Variants in VCL observed in about 807,000 individuals in gnomAD.
The protein encoded by VCL is epididymis luminal protein 114.
In VCL, 47 loss-of-function variants were observed where a neutral mutation model predicts 125.7. That is an observed-to-expected ratio of 0.37 (90% CI 0.30 to 0.48). The LOEUF is 0.48. Ranked by LOEUF, VCL falls within the 20% of genes least tolerant of loss-of-function variation. The pLI is 0.99. For synonymous variants in VCL, 458 were observed against 514.6 expected, an observed-to-expected ratio of 0.89 and a Z score of 1.49; for missense variants, 1,069 against 1,455.5, an observed-to-expected ratio of 0.73 and a Z score of 4.32.
chr10:74,116,683 T>C lies in VCL; in HGVS notation c.3259-1340T>C, dbSNP rs533688755. On this transcript the variant is annotated intron_variant, in intron 21 of 21. Transcript: ENST00000211998. Reference sequence around the variant, plus strand: ...CCTAGTTAACAAGAGTGAAACTCCGTCTCAAAAAAAAAAAATAATAATAAA... The same window carrying C: ...CCTAGTTAACAAGAGTGAAACTCCGCCTCAAAAAAAAAAAATAATAATAAA... 2.0e-3 allele frequency among the ~76,000 whole-genome samples: 206 copies of C among 101,378 alleles called. 2 individuals carry two copies. Among genetic ancestry groups the C allele is most frequent in the African/African-American group, 6.6e-3 (203 of 30,688 alleles). 66.5% of individuals were successfully genotyped at this position (101,378 alleles called of 152,430 possible).
intron 12 of VCL, 104 bp downstream of exon 12, chr10:74,095,959 A>G (rs1839962149): frequency 1.4e-6 from 2 of 1,380,002 alleles, no homozygotes; most frequent in Admixed American, 4.1e-5. Flanking sequence ...TCTGGGGTCT[A>G]GGGAAAATGA....
intron 1 of VCL, among the ~76,000 whole-genome samples, chr10:74,041,705 A>G (rs1457669044): frequency 1.3e-5 from 2 of 151,716 alleles, no homozygotes; most frequent in African/African-American, 2.4e-5. Context: ...CAGCCTGGCC[A>G]ACATGGTGAA....
intron 3 of VCL, 25 bp from the exon 4 acceptor site, chr10:74,070,950 T>G: frequency 6.2e-7 from 1 of 1,613,644 alleles, no homozygotes. Flanking sequence ...CCCATGTGAT[T>G]GAATACTCTG....
chr10:74,048,464 CAAA>C (rs369346650), intron 2 of VCL, among the ~76,000 whole-genome samples: 12 of 119,182 alleles, frequency 1.0e-4, no homozygotes, highest in Admixed American at 1.7e-4. Context: ...AACTCTGTCT[CAAA>C]AAAAAAAAAA....
Position 74,109,130 on chromosome 10 carries a change from G to C in VCL, c.2719G>C (p.Asp907His). The C allele has an allele frequency of 6.2e-7, 1 of 1,614,122 alleles. No homozygotes were observed. Among genetic ancestry groups the C allele is most frequent in the South Asian group, 1.1e-5 (1 of 91,076 alleles). ...GATGATGGCTGCCAGACAGCTCCAT[G>C]ATGAAGCTCGCAAATGGTCCAGCAA... is the stretch of plus-strand genomic sequence containing the variant. The part of the protein sequence containing the change: ...PMMMAARQLH[D>H]EARKWSSKPG... Residue 907 changes from aspartate to histidine, a missense_variant, in exon 18 of 22, where the codon GAT becomes CAT. Coordinates refer to ENST00000211998, the MANE Select transcript of VCL (RefSeq NM_014000.3).
At chr10:74,102,340 A>G (rs530981753) in intron 14 of VCL, among the ~76,000 whole-genome samples, 1 of 152,264 alleles carries the variant, frequency 6.6e-6, no homozygotes, top group East Asian at 1.9e-4. Context: ...AGATTGGGAA[A>G]AAAAACCAAA....
chr10:74,091,940 T>C (rs1839895041), intron 10 of VCL, among the ~76,000 whole-genome samples: 1 of 152,034 alleles, frequency 6.6e-6, no homozygotes, highest in Non-Finnish European at 1.5e-5. Context: ...GACGGAGTCT[T>C]GCTCTGCTGC....
At chr10:74,000,245 G>T (rs1475863960) in intron 1 of VCL, among the ~76,000 whole-genome samples, 1 of 148,634 alleles carries the variant, frequency 6.7e-6, no homozygotes, top group African/African-American at 2.5e-5. Flanking sequence ...ACGGGTCAAG[G>T]CCTTTGTATT....
At chr10:74,101,857 A>G (rs1840062868) in intron 14 of VCL, among the ~76,000 whole-genome samples, 1 of 149,438 alleles carries the variant, frequency 6.7e-6, no homozygotes, top group Non-Finnish European at 1.5e-5. Context: ...AAATATTTGG[A>G]TAATCTTTTT....
chr10:74,002,105 C>T (rs1016849428), intron 1 of VCL, among the ~76,000 whole-genome samples: 1 of 152,148 alleles, frequency 6.6e-6, no homozygotes, highest in African/African-American at 2.4e-5. Flanking sequence ...ATGCCTGTCA[C>T]AATCAGTATG....
chr10:74,043,660 A>G (rs12240297), intron 2 of VCL, among the ~76,000 whole-genome samples: 4,312 of 152,118 alleles, frequency 0.028, 208 homozygotes, highest in African/African-American at 0.098. Context: ...TTTTGACATA[A>G]TAATTTTTAA....
Position 74,095,684 on chromosome 10 carries a change from C to T in VCL, c.1572C>T (p.Ala524=), listed in dbSNP as rs138566234. ...AGGCTGCCATCCGGGGGCTTGTGGC[C>T]GAAGGGCATCGTCTGGCTAATGTTA... is the stretch of plus-strand genomic sequence containing the variant. ...VGQAAIRGLV[A]EGHRLANVMM... Residue 524 remains alanine (A), a synonymous_variant, in exon 12 of 22, where the codon GCC becomes GCT. Coordinates refer to ENST00000211998, the MANE Select transcript of VCL (RefSeq NM_014000.3). The T allele has an allele frequency of 1.9e-4, 302 of 1,614,012 alleles. No homozygotes were observed. The African/African-American group carries it at 2.4e-3, about 13-fold the overall frequency.
intron 1 of VCL, among the ~76,000 whole-genome samples, chr10:74,002,640 T>C (rs1425168779): frequency 6.6e-6 from 1 of 151,140 alleles, no homozygotes; most frequent in South Asian, 2.1e-4. Context: ...TCCCAGCACT[T>C]TGGGAGGCCG....
chr10:74,101,132 TA>T, intron 14 of VCL, 35 bp downstream of exon 14: 1 of 1,603,304 alleles, frequency 6.2e-7, no homozygotes, highest in East Asian at 2.3e-5. Flanking sequence ...CAGTGTTCAG[TA>T]AAGAAAGTTA....
chr10:73,998,749 C>A (rs922650030), intron 1 of VCL, among the ~76,000 whole-genome samples: 12 of 152,250 alleles, frequency 7.9e-5, no homozygotes, highest in Non-Finnish European at 1.8e-4. Flanking sequence ...GCTTCGCCCC[C>A]ACGTTGACTT....
At chr10:74,032,275 C>T (rs1291379506) in intron 1 of VCL, among the ~76,000 whole-genome samples, 1 of 146,308 alleles carries the variant, frequency 6.8e-6, no homozygotes, top group South Asian at 2.2e-4. Flanking sequence ...AAGGAAAAGA[C>T]AAGCTATATT....
chr10:74,006,826 A>C (rs1048690497), intron 1 of VCL, among the ~76,000 whole-genome samples: 1 of 152,260 alleles, frequency 6.6e-6, no homozygotes, highest in Admixed American at 6.5e-5. Flanking sequence ...AAAAATTCCC[A>C]AATCCAAAAA....
chr10:74,066,114 C>G (rs1282884105), intron 2 of VCL, among the ~76,000 whole-genome samples: 6 of 149,024 alleles, frequency 4.0e-5, no homozygotes, highest in Non-Finnish European at 8.9e-5. Context: ...GGCTGGAGTG[C>G]AATGGCACGA....
At chr10:74,038,667 A>T (rs1841032312) in intron 1 of VCL, among the ~76,000 whole-genome samples, 1 of 152,188 alleles carries the variant, frequency 6.6e-6, no homozygotes, top group Admixed American at 6.5e-5. Context: ...TTATCCATTT[A>T]TCTTTCCTTA....
Sources: gnomAD v4.1 joint callset for allele counts (sites outside exome capture counted in the v4.1 genomes callset) on GRCh38, gnomAD v4.1.1 for gene constraint, MANE v1.5 for transcripts, NCBI Gene and HGNC (gene_info 2026-07-23, HGNC 2026-07-21) for gene names.